IL1RAPL1: variants seen among roughly 807,000 people sequenced by gnomAD.
The protein encoded by IL1RAPL1 is interleukin 1 receptor accessory protein like 1.
A neutral mutation model predicts 48.4 loss-of-function variants in IL1RAPL1; 3 were observed. That is an observed-to-expected ratio of 0.06 (90% CI 0.03 to 0.16). The LOEUF (loss-of-function observed/expected upper bound fraction) is 0.16, where lower values mean the gene tolerates loss of function less well. Ranked by LOEUF, IL1RAPL1 falls within the 10% of genes least tolerant of loss-of-function variation. The pLI, the probability that IL1RAPL1 is intolerant of heterozygous loss-of-function variation, is 1.00. For missense variants in IL1RAPL1, 349 were observed against 530.6 expected (o/e 0.66, Z 3.36); for synonymous variants, 185 against 187.7 (o/e 0.99, Z 0.12).
chrX:29,727,666 A>G (rs1449805703), intron 6 of IL1RAPL1, among the ~76,000 whole-genome samples: 1 of 111,450 alleles, frequency 9.0e-6, no homozygotes, highest in Middle Eastern at 4.7e-3. Context: ...CCTTGATGCT[A>G]TATTTCTCCC....
intron 6 of IL1RAPL1, among the ~76,000 whole-genome samples, chrX:29,704,417 C>T (rs1247540588): frequency 1.8e-5 from 2 of 111,310 alleles, no homozygotes; most frequent in Admixed American, 9.6e-5. Flanking sequence ...GCCTGTAATC[C>T]CAGCACTTTG....
At chrX:28,904,349 C>T (rs894194975) in intron 2 of IL1RAPL1, among the ~76,000 whole-genome samples, 15 of 111,403 alleles carry the variant, frequency 1.3e-4, no homozygotes, top group South Asian at 3.7e-4. Context: ...GTATATATAA[C>T]GAAATACTGT....
At chrX:29,045,079 G>C (rs146141214) in intron 2 of IL1RAPL1, among the ~76,000 whole-genome samples, 1 of 111,115 alleles carries the variant, frequency 9.0e-6, no homozygotes, top group Non-Finnish European at 1.9e-5. Context: ...AAAAATGGTA[G>C]ATGAAACTTG....
At chrX:29,550,317 G>A (rs1359836036) in intron 5 of IL1RAPL1, among the ~76,000 whole-genome samples, 5 of 110,178 alleles carry the variant, frequency 4.5e-5, no homozygotes, top group African/African-American at 6.6e-5. Flanking sequence ...TCAGCCTCCC[G>A]AGTAGCTGGG....
intron 2 of IL1RAPL1, among the ~76,000 whole-genome samples, chrX:29,099,622 A>G (rs1301651760): frequency 2.7e-5 from 3 of 111,739 alleles, no homozygotes; most frequent in South Asian, 3.7e-4. Context: ...ATGTGTTATT[A>G]CCTCCGTTAG....
intron 1 of IL1RAPL1, among the ~76,000 whole-genome samples, chrX:28,646,144 G>T (rs1165688945): frequency 8.9e-6 from 1 of 112,015 alleles, no homozygotes; most frequent in African/African-American, 3.2e-5. Context: ...TCTGGGGGGT[G>T]ATTTAAGGAT....
chrX:29,895,609 A>G (rs1444076580), intron 6 of IL1RAPL1, among the ~76,000 whole-genome samples: 2 of 113,042 alleles, frequency 1.8e-5, no homozygotes, highest in African/African-American at 6.4e-5. Context: ...TCAGTATTTA[A>G]TAGTGAAGAA....
At chrX:28,913,251 T>G (rs893712120) in intron 2 of IL1RAPL1, among the ~76,000 whole-genome samples, 1 of 112,066 alleles carries the variant, frequency 8.9e-6, no homozygotes, top group African/African-American at 3.2e-5. Flanking sequence ...AGAATATGAT[T>G]GTACCAGAAA....
chrX:29,648,675 A>G (rs889144813), intron 5 of IL1RAPL1, among the ~76,000 whole-genome samples: 15 of 111,934 alleles, frequency 1.3e-4, no homozygotes, highest in African/African-American at 4.9e-4. Context: ...AAATGCCTAT[A>G]TCAAAAAAGA....
intron 5 of IL1RAPL1, among the ~76,000 whole-genome samples, chrX:29,616,625 C>T (rs967620933): frequency 1.1e-4 from 12 of 109,810 alleles, no homozygotes; most frequent in Admixed American, 4.9e-4. Context: ...TGATGGTTTC[C>T]AGCTTCATCC....
intron 2 of IL1RAPL1, among the ~76,000 whole-genome samples, chrX:28,789,780 G>T (rs1218217361): frequency 9.0e-6 from 1 of 111,563 alleles, no homozygotes; most frequent in African/African-American, 3.3e-5. Context: ...AACTTTTATT[G>T]TTACCATTTT....
intron 5 of IL1RAPL1, among the ~76,000 whole-genome samples, chrX:29,598,611 G>A (rs1300960239): frequency 8.1e-5 from 9 of 111,395 alleles, no homozygotes; most frequent in Admixed American, 3.8e-4. Context: ...TCTGTCCAGC[G>A]CTGTCAGTGG....
At chrX:29,861,563 G>A (rs1273887248) in intron 6 of IL1RAPL1, among the ~76,000 whole-genome samples, 1 of 111,040 alleles carries the variant, frequency 9.0e-6, no homozygotes, top group East Asian at 2.8e-4. Flanking sequence ...TCCAAAATAA[G>A]CAAGGGATAA....
At chrX:29,376,881 G>A (rs912336595) in intron 3 of IL1RAPL1, among the ~76,000 whole-genome samples, 1 of 111,940 alleles carries the variant, frequency 8.9e-6, no homozygotes, top group Non-Finnish European at 1.9e-5. Context: ...TTCTGTAGAT[G>A]TCTGTTAGGT....
chrX:29,362,508 G>C (rs1316661003), intron 3 of IL1RAPL1, among the ~76,000 whole-genome samples: 1 of 111,785 alleles, frequency 8.9e-6, no homozygotes, highest in African/African-American at 3.3e-5. Context: ...TTCTTTGCTT[G>C]GGGGAATCAT....
intron 5 of IL1RAPL1, among the ~76,000 whole-genome samples, chrX:29,551,687 A>G: frequency 9.0e-6 from 1 of 111,613 alleles, no homozygotes; most frequent in South Asian, 3.8e-4. Context: ...TCTCTTTAAA[A>G]GATGCTTTCT....
intron 1 of IL1RAPL1, among the ~76,000 whole-genome samples, chrX:28,697,062 C>T (rs746421124): frequency 6.3e-5 from 7 of 111,511 alleles, no homozygotes; most frequent in Admixed American, 4.8e-4. Context: ...CAAGTATATG[C>T]GGACATTTCA....
intron 5 of IL1RAPL1, among the ~76,000 whole-genome samples, chrX:29,418,692 A>G (rs1283201077): frequency 3.6e-5 from 4 of 111,975 alleles, no homozygotes; most frequent in African/African-American, 9.7e-5. Flanking sequence ...TTAAAACAAT[A>G]TATTATGGGG....
chrX:29,333,050 T>C (rs1168127597), intron 3 of IL1RAPL1, among the ~76,000 whole-genome samples: 1 of 112,370 alleles, frequency 8.9e-6, no homozygotes, highest in Non-Finnish European at 1.9e-5. Flanking sequence ...TCTACTTCTA[T>C]CCACACAGAC....
Sources: gnomAD v4.1 joint callset for allele counts (sites outside exome capture counted in the v4.1 genomes callset) on GRCh38, gnomAD v4.1.1 for gene constraint, MANE v1.5 for transcripts, NCBI Gene and HGNC (gene_info 2026-07-23, HGNC 2026-07-21) for gene names.